The following EBF1 variants were observed in gnomAD, a reference collection of about 807,000 sequenced individuals.
The protein encoded by EBF1 is EBF transcription factor 1.
In EBF1, 10 loss-of-function variants were observed where a neutral mutation model predicts 68.4. The observed-to-expected ratio is 0.15, with a 90% confidence interval of 0.09 to 0.25. The LOEUF is 0.25. EBF1 is among the 10% of genes least tolerant of loss of function. The pLI is 1.00. For missense variants in EBF1, 509 were observed against 794.4 expected, an observed-to-expected ratio of 0.64 and a Z score of 4.32; for synonymous variants, 298 against 299.8, an observed-to-expected ratio of 0.99 and a Z score of 0.06.
At chr5:159,068,464 T>C (rs891316799) in intron 6 of EBF1, among the ~76,000 whole-genome samples, 2 of 152,126 alleles carry the variant, frequency 1.3e-5, no homozygotes, top group African/African-American at 2.4e-5. Flanking sequence ...TTTCCTATTA[T>C]ACATATGGGC....
At chr5:158,909,956 T>TAAA (rs59274919) in intron 6 of EBF1, among the ~76,000 whole-genome samples, 3,947 of 46,608 alleles carry the variant, frequency 0.085, 864 homozygotes, top group South Asian at 0.13. Context: ...ACTCTGTCTA[T>TAAA]AAAAAAAAAA....
At chr5:158,892,262 G>T (rs1249951129) in intron 6 of EBF1, among the ~76,000 whole-genome samples, 1 of 152,164 alleles carries the variant, frequency 6.6e-6, no homozygotes, top group East Asian at 1.9e-4. Flanking sequence ...GCTGAGGCAG[G>T]CGGATCACTT....
intron 7 of EBF1, among the ~76,000 whole-genome samples, chr5:158,838,108 G>A (rs559966356): frequency 6.6e-6 from 1 of 152,262 alleles, no homozygotes; most frequent in Non-Finnish European, 1.5e-5. Flanking sequence ...CACCAAGTTT[G>A]AAGTCAGATG....
intron 5 of EBF1, among the ~76,000 whole-genome samples, chr5:159,083,387 T>A (rs1326969580): frequency 6.6e-6 from 1 of 152,214 alleles, no homozygotes; most frequent in Non-Finnish European, 1.5e-5. Context: ...ATTGCCATAT[T>A]TTGGGGGTTC....
chr5:158,955,051 G>C lies in EBF1; in HGVS notation c.555-114941C>G, dbSNP rs1440630946. Among the ~76,000 whole-genome samples, 3 of 152,086 alleles carry C rather than the reference G, an allele frequency of 2.0e-5. No individual in the cohort carries two copies. The East Asian group carries it at 5.8e-4, about 29-fold the overall frequency. Reference sequence around the variant, plus strand: ...TTACAGAGAAGTAATTGGGCCGGGCGCAGTGGCTCACGCCTGTAATCCCAG... The same window carrying C: ...TTACAGAGAAGTAATTGGGCCGGGCCCAGTGGCTCACGCCTGTAATCCCAG... On this transcript the variant is annotated intron_variant, in intron 6 of 15. Transcript: ENST00000313708.
At chr5:159,062,154 T>C (rs547257811) in intron 6 of EBF1, among the ~76,000 whole-genome samples, 5 of 152,306 alleles carry the variant, frequency 3.3e-5, no homozygotes, top group Non-Finnish European at 4.4e-5. Flanking sequence ...GTTCAGCACA[T>C]TGCTCTCATG....
intron 6 of EBF1, among the ~76,000 whole-genome samples, chr5:158,969,920 A>AGAAAGAAAGAAAGAAAGAAAG (rs770651883): frequency 7.3e-5 from 5 of 68,626 alleles, no homozygotes; most frequent in Non-Finnish European, 1.3e-4. Flanking sequence ...AAGAAAGAAA[A>AGAAAGAAAGAAAGAAAGAAAG]AAAAAAAAAA....
intron 10 of EBF1, among the ~76,000 whole-genome samples, chr5:158,764,507 T>G (rs1772207554): frequency 6.6e-6 from 1 of 152,138 alleles, no homozygotes; most frequent in South Asian, 2.1e-4. Flanking sequence ...TGCATCTCAC[T>G]CCGTGCTGGG....
intron 6 of EBF1, among the ~76,000 whole-genome samples, chr5:159,033,583 G>A (rs1229622606): frequency 6.6e-6 from 1 of 152,204 alleles, no homozygotes; most frequent in African/African-American, 2.4e-5. Flanking sequence ...GAGAGCTCAT[G>A]GCAACTGAGA....
chr5:158,889,391 T>G (rs540021948), intron 6 of EBF1, among the ~76,000 whole-genome samples: 1 of 152,282 alleles, frequency 6.6e-6, no homozygotes, highest in African/African-American at 2.4e-5. Context: ...TCATTCTACT[T>G]AGGTTTCTTG....
chr5:159,007,121 C>T (rs1763722464), intron 6 of EBF1, among the ~76,000 whole-genome samples: 2 of 152,064 alleles, frequency 1.3e-5, no homozygotes. Flanking sequence ...ATACAGTTTC[C>T]TAACAATCCC....
rs70987945 is a variant in EBF1 at position 158,978,835 on chromosome 5, C to CAGAG, written c.554+94557_554+94560dup. On this transcript the variant is annotated intron_variant, in intron 6 of 15. Transcript: ENST00000313708. ...ACACACACACACACACACACACACA[C>CAGAG]AGAGAGAGAGTCCACAGTTCTCTTT... Among the ~76,000 whole-genome samples, 765 of 147,012 alleles carry CAGAG rather than the reference C, an allele frequency of 5.2e-3. 5 individuals carry two copies. The highest frequency in any genetic ancestry group is 0.018 in the African/African-American group (683 of 38,516).
intron 1 of EBF1, among the ~76,000 whole-genome samples, 181 bp from the exon 2 acceptor site, chr5:159,097,311 C>T (rs927940821): frequency 6.6e-6 from 1 of 152,250 alleles, no homozygotes; most frequent in Non-Finnish European, 1.5e-5. Flanking sequence ...ACACATGTCC[C>T]CTCATGTCCT....
chr5:159,054,428 C>A (rs1219638006), intron 6 of EBF1, among the ~76,000 whole-genome samples: 1 of 152,124 alleles, frequency 6.6e-6, no homozygotes, highest in Non-Finnish European at 1.5e-5. Flanking sequence ...AGAGAGAGAT[C>A]TGGTTCCCAT....
intron 10 of EBF1, among the ~76,000 whole-genome samples, chr5:158,731,753 C>G (rs1010511856): frequency 9.9e-5 from 15 of 152,168 alleles, no homozygotes; most frequent in African/African-American, 3.6e-4. Flanking sequence ...ACTCTCACAT[C>G]TGAAATGATA....
intron 6 of EBF1, among the ~76,000 whole-genome samples, chr5:159,040,520 C>T (rs982074364): frequency 6.6e-6 from 1 of 152,198 alleles, no homozygotes; most frequent in African/African-American, 2.4e-5. Flanking sequence ...CACTCATGTC[C>T]ACCCTCAGTG....
intron 6 of EBF1, among the ~76,000 whole-genome samples, chr5:158,961,044 T>C (rs1327535451): frequency 6.6e-6 from 1 of 152,132 alleles, no homozygotes; most frequent in Non-Finnish European, 1.5e-5. Context: ...TTCACCAAAA[T>C]ATGCATATAA....
chr5:158,991,913 C>T (rs1377503537), intron 6 of EBF1, among the ~76,000 whole-genome samples: 2 of 152,140 alleles, frequency 1.3e-5, no homozygotes, highest in African/African-American at 2.4e-5. Context: ...TTTTGCAACA[C>T]ATTTTAAATT....
At chr5:158,890,656 C>T (rs1200794697) in intron 6 of EBF1, among the ~76,000 whole-genome samples, 12 of 152,140 alleles carry the variant, frequency 7.9e-5, no homozygotes, top group Non-Finnish European at 1.5e-5. Flanking sequence ...TTGTCTGCTG[C>T]CTTTGTTTTT....
Sources: gnomAD v4.1 joint callset for allele counts (sites outside exome capture counted in the v4.1 genomes callset) on GRCh38, gnomAD v4.1.1 for gene constraint, MANE v1.5 for transcripts, NCBI Gene and HGNC (gene_info 2026-07-23, HGNC 2026-07-21) for gene names.